FRYL: variants seen among roughly 807,000 people sequenced by gnomAD.
FRYL encodes FRY like transcription coactivator.
Under a neutral mutation model 351.2 loss-of-function variants are expected in FRYL, and 150 were observed. The observed-to-expected ratio is 0.43, with a 90% CI of 0.37 to 0.49. The LOEUF (loss-of-function observed/expected upper bound fraction) is 0.49. Among genes scored for constraint, FRYL ranks in the 20% least tolerant of loss-of-function variants. The pLI, the probability that FRYL is intolerant of heterozygous loss-of-function variation, is 0.00. For synonymous variants in FRYL, 1,153 were observed against 1,257.1 expected (o/e 0.92, Z 1.75); for missense variants, 3,036 against 3,619.3 (o/e 0.84, Z 4.13).
intron 2 of FRYL, among the ~76,000 whole-genome samples, chr4:48,698,211 G>A (rs1287470992): frequency 6.6e-6 from 1 of 152,228 alleles, no homozygotes; most frequent in Non-Finnish European, 1.5e-5. Flanking sequence ...GAACAGGAAA[G>A]ACTTCACTGA....
intron 59 of FRYL, chr4:48,506,739 G>A (rs191300037): frequency 1.4e-5 from 2 of 146,290 alleles, no homozygotes; most frequent in East Asian, 2.0e-4. Flanking sequence ...TTTAGTATTC[G>A]ACATTTAACA....
intron 3 of FRYL, among the ~76,000 whole-genome samples, chr4:48,659,168 T>C (rs1183872643): frequency 6.6e-6 from 1 of 151,808 alleles, no homozygotes; most frequent in Non-Finnish European, 1.5e-5. Context: ...CTAGACAACA[T>C]GGTGAAACCC....
chr4:48,606,330 C>G (rs1321642918), intron 10 of FRYL, 108 bp downstream of exon 10: 2 of 661,524 alleles, frequency 3.0e-6, no homozygotes, highest in Non-Finnish European at 4.9e-6. Flanking sequence ...GAATAAGAGA[C>G]TAAAAATGAT....
Position 48,552,904 on chromosome 4 carries a change from G to A in FRYL, c.4435+311C>T, listed in dbSNP as rs74804862. On this transcript the variant is annotated intron_variant, in intron 36 of 63. Transcript: ENST00000358350. ...CCTTTTTACTATTTTGAATTTCATT[G>A]GATGTTCTTCTATTAGGAACATAGT... Among the ~76,000 whole-genome samples the A allele has an allele frequency of 3.5e-3, 538 of 151,930 alleles. 28 individuals are homozygous for A. The East Asian group carries it at 0.096, about 27-fold the overall frequency.
intron 18 of FRYL, among the ~76,000 whole-genome samples, chr4:48,587,796 C>T (rs1369265560): frequency 6.6e-6 from 1 of 152,248 alleles, no homozygotes; most frequent in Admixed American, 6.5e-5. Context: ...ACATACGCCT[C>T]GGCCTCCCAA....
intron 3 of FRYL, among the ~76,000 whole-genome samples, chr4:48,684,443 G>T (rs1377598030): frequency 1.3e-5 from 2 of 152,106 alleles, no homozygotes; most frequent in East Asian, 3.9e-4. Context: ...CTCCAGTAAT[G>T]AAACTGTATT....
At chr4:48,582,316 A>G (rs965285061) in intron 20 of FRYL, among the ~76,000 whole-genome samples, 181 bp downstream of exon 20, 6 of 152,252 alleles carry the variant, frequency 3.9e-5, no homozygotes, top group African/African-American at 1.4e-4. Context: ...TTAGACACAT[A>G]AACACTATAT....
At chr4:48,759,833 C>T (rs1024270736) in intron 1 of FRYL, among the ~76,000 whole-genome samples, 1 of 152,170 alleles carries the variant, frequency 6.6e-6, no homozygotes, top group Non-Finnish European at 1.5e-5. Flanking sequence ...GGCTAACCCC[C>T]CTATTACAAG....
chr4:48,758,214 C>CA (rs781781711), intron 1 of FRYL, among the ~76,000 whole-genome samples: 67 of 152,264 alleles, frequency 4.4e-4, no homozygotes, highest in Non-Finnish European at 8.4e-4. Context: ...GCAATGGCAA[C>CA]AAAAGCCAAA....
chr4:48,754,881 A>G (rs1773618805), intron 1 of FRYL, among the ~76,000 whole-genome samples: 1 of 152,034 alleles, frequency 6.6e-6, no homozygotes. Context: ...ACCTCAGGTG[A>G]TCCACCCGCC....
intron 18 of FRYL, among the ~76,000 whole-genome samples, chr4:48,588,973 G>A (rs1320516169): frequency 6.6e-6 from 1 of 152,150 alleles, no homozygotes; most frequent in African/African-American, 2.4e-5. Flanking sequence ...AGATTTCCCA[G>A]AGGAAGTAAC....
At chr4:48,570,501 A>T (rs1738048074) in intron 27 of FRYL, among the ~76,000 whole-genome samples, 1 of 152,248 alleles carries the variant, frequency 6.6e-6, no homozygotes, top group African/African-American at 2.4e-5. Context: ...AAGAAAAAGG[A>T]AAATCTTTTT....
chr4:48,647,348 T>C (rs1363075174), intron 3 of FRYL, among the ~76,000 whole-genome samples: 1 of 152,170 alleles, frequency 6.6e-6, no homozygotes, highest in Non-Finnish European at 1.5e-5. Context: ...GATATGTTAA[T>C]AAAATAGAGG....
chr4:48,721,189 A>G (rs1174703856), intron 1 of FRYL, among the ~76,000 whole-genome samples: 2 of 152,150 alleles, frequency 1.3e-5, no homozygotes, highest in Non-Finnish European at 2.9e-5. Context: ...TACTTATTTA[A>G]TTCCTTATTA....
chr4:48,516,361 G>T (rs1723596087), intron 55 of FRYL, among the ~76,000 whole-genome samples: 1 of 152,154 alleles, frequency 6.6e-6, no homozygotes, highest in African/African-American at 2.4e-5. Context: ...GGTTGAATGA[G>T]CTGCTACTAT....
chr4:48,650,544 T>C lies in FRYL; in HGVS notation c.-80-16054A>G, dbSNP rs535439481. ...GGTCTTGAAAGAGGAGTAAAAATCATTGCGATGCAGGCAGAGAGATGAGAG... is the reference window on the plus strand; with the variant it reads ...GGTCTTGAAAGAGGAGTAAAAATCACTGCGATGCAGGCAGAGAGATGAGAG... On this transcript the variant is annotated intron_variant, in intron 3 of 63. Transcript: ENST00000358350. Among the ~76,000 whole-genome samples the C allele has an allele frequency of 3.9e-5, 6 of 152,274 alleles. No individual in the cohort carries two copies. In the South Asian group the frequency reaches 1.0e-3, roughly 26 times the overall value.
intron 55 of FRYL, among the ~76,000 whole-genome samples, chr4:48,518,878 A>G (rs563157092): frequency 2.2e-4 from 33 of 152,334 alleles, no homozygotes; most frequent in Admixed American, 1.9e-3. Flanking sequence ...CCTGCTTATT[A>G]TCTGTCTCTC....
intron 56 of FRYL, among the ~76,000 whole-genome samples, chr4:48,513,246 A>AG (rs1180131889): frequency 3.3e-5 from 5 of 152,220 alleles, no homozygotes; most frequent in Non-Finnish European, 7.3e-5. Flanking sequence ...GAAATGACAG[A>AG]GCCAGAATTT....
intron 2 of FRYL, among the ~76,000 whole-genome samples, chr4:48,696,864 CT>C (rs1766233643): frequency 1.4e-5 from 2 of 147,474 alleles, no homozygotes; most frequent in Non-Finnish European, 2.9e-5. Flanking sequence ...ATCTATCTAT[CT>C]ATCTATCTAT....
Sources: gnomAD v4.1 joint callset for allele counts (sites outside exome capture counted in the v4.1 genomes callset) on GRCh38, gnomAD v4.1.1 for gene constraint, MANE v1.5 for transcripts, NCBI Gene and HGNC (gene_info 2026-07-23, HGNC 2026-07-21) for gene names.